PHF21B: variants seen among roughly 807,000 people sequenced by gnomAD.
PHF21B encodes PHD finger protein 4.
A neutral mutation model predicts 62.2 loss-of-function variants in PHF21B; 22 were observed. The ratio of observed to expected loss-of-function variants is 0.35; its 90% CI spans 0.25 to 0.51. The LOEUF (loss-of-function observed/expected upper bound fraction) is 0.51, where lower values mean the gene tolerates loss of function less well. PHF21B is among the 20% of genes least tolerant of loss of function. The probability of loss-of-function intolerance (pLI) is 0.97; values close to 1 mark genes in which losing one functional copy is unlikely to be tolerated. For synonymous variants in PHF21B, 341 were observed against 314.7 expected (o/e 1.08, Z -0.88); for missense variants, 701 against 707.9 (o/e 0.99, Z 0.11).
At chr22:44,972,481 C>T (rs997327059) in intron 2 of PHF21B, among the ~76,000 whole-genome samples, 15 of 152,010 alleles carry the variant, frequency 9.9e-5, no homozygotes, top group African/African-American at 2.4e-4. Flanking sequence ...TGTTGGCAGA[C>T]GCGGCTGCTC....
At chr22:44,988,057 G>A (rs183805343) in intron 2 of PHF21B, among the ~76,000 whole-genome samples, 4,461 of 152,264 alleles carry the variant, frequency 0.029, 88 homozygotes, top group Non-Finnish European at 0.045. Context: ...TTTGGTCAGC[G>A]TTTGTCAAAC....
At chr22:44,947,937 G>A (rs568737451) in intron 2 of PHF21B, among the ~76,000 whole-genome samples, 1 of 133,540 alleles carries the variant, frequency 7.5e-6, no homozygotes, top group South Asian at 2.4e-4. Flanking sequence ...GACAATGACC[G>A]CTGAGTTCAG....
chr22:44,983,738 G>A (rs1243883572), intron 2 of PHF21B, among the ~76,000 whole-genome samples: 3 of 152,124 alleles, frequency 2.0e-5, no homozygotes, highest in African/African-American at 7.2e-5. Flanking sequence ...TAACATCACA[G>A]ACTGTTTACA....
chr22:44,982,494 C>T (rs941393639), intron 2 of PHF21B, among the ~76,000 whole-genome samples: 2 of 152,158 alleles, frequency 1.3e-5, no homozygotes, highest in African/African-American at 4.8e-5. Context: ...GCCAAGTCTG[C>T]AGGACTCTAA....
chr22:44,987,928 G>T (rs1302890045), intron 2 of PHF21B, among the ~76,000 whole-genome samples: 1 of 152,048 alleles, frequency 6.6e-6, no homozygotes, highest in Non-Finnish European at 1.5e-5. Flanking sequence ...AAATAAGGTG[G>T]GCCACCCTGA....
intron 2 of PHF21B, among the ~76,000 whole-genome samples, chr22:44,972,359 T>C (rs1191778497): frequency 6.6e-6 from 1 of 152,254 alleles, no homozygotes; most frequent in Non-Finnish European, 1.5e-5. Flanking sequence ...CGGCCTGTTG[T>C]GCATTTTCAT....
intron 2 of PHF21B, among the ~76,000 whole-genome samples, chr22:44,943,764 C>A (rs2072009452): frequency 6.6e-6 from 1 of 152,140 alleles, no homozygotes; most frequent in Non-Finnish European, 1.5e-5. Flanking sequence ...TTAGTCTCTA[C>A]CAGTTTTGGT....
intron 5 of PHF21B, among the ~76,000 whole-genome samples, chr22:44,903,724 G>A (rs74929634): frequency 0.035 from 5,285 of 152,250 alleles, 283 homozygotes; most frequent in African/African-American, 0.12. Flanking sequence ...TATCCCAAAC[G>A]ATGTTGCTAT....
At chr22:44,959,323 C>T (rs982978808) in intron 2 of PHF21B, among the ~76,000 whole-genome samples, 2 of 152,204 alleles carry the variant, frequency 1.3e-5, no homozygotes, top group Admixed American at 6.5e-5. Context: ...TTGTGATTCA[C>T]GCCTTAACTA....
intron 2 of PHF21B, among the ~76,000 whole-genome samples, chr22:44,947,573 G>A (rs1232015803): frequency 2.6e-5 from 4 of 151,820 alleles, no homozygotes; most frequent in South Asian, 2.1e-4. Context: ...AGCACTCACC[G>A]CAGCCCCGCT....
At chr22:44,931,116 G>A (rs192895692) in intron 2 of PHF21B, among the ~76,000 whole-genome samples, 20 of 152,260 alleles carry the variant, frequency 1.3e-4, no homozygotes, top group African/African-American at 4.1e-4. Flanking sequence ...GTGCAGTGGC[G>A]CAACCGTAGC....
chr22:44,995,403 G>C (rs976230663), intron 2 of PHF21B, among the ~76,000 whole-genome samples: 1 of 152,174 alleles, frequency 6.6e-6, no homozygotes, highest in African/African-American at 2.4e-5. Flanking sequence ...GCTGGGGCTG[G>C]AGTGTGTGGG....
rs1397602930 is a variant in PHF21B at position 44,881,960 on chromosome 22, G to A, written c.*1126C>T. The A allele has an allele frequency of 2.0e-5, 3 of 152,550 alleles. No homozygotes were observed. Among genetic ancestry groups the A allele is most frequent in the South Asian group, 2.1e-4 (1 of 4,830 alleles). 9.4% of individuals were successfully genotyped at this position (152,550 alleles called of 1,614,324 possible). Reference sequence around the variant, plus strand: ...CCACCCGGCTCGTAAAAAACCTGCCGGATCTTCCAGCTTGGCCAGGCTTCC... The same window carrying A: ...CCACCCGGCTCGTAAAAAACCTGCCAGATCTTCCAGCTTGGCCAGGCTTCC... On this transcript the variant is annotated 3_prime_UTR_variant, in exon 13 of 13. Transcript: ENST00000313237.
At chr22:44,972,516 G>A (rs1033866332) in intron 2 of PHF21B, among the ~76,000 whole-genome samples, 3 of 152,078 alleles carry the variant, frequency 2.0e-5, no homozygotes, top group Admixed American at 6.6e-5. Flanking sequence ...GCCGGAAACC[G>A]AGTGTTGGCG....
chr22:44,965,091 G>A (rs908545352), intron 2 of PHF21B, among the ~76,000 whole-genome samples: 5 of 152,118 alleles, frequency 3.3e-5, no homozygotes, highest in Admixed American at 2.0e-4. Flanking sequence ...CGTGAACACC[G>A]CAGCCACTCT....
At chr22:44,889,903 C>T (rs1028137894) in intron 8 of PHF21B, 121 bp from the exon 9 acceptor site, 3 of 1,049,844 alleles carry the variant, frequency 2.9e-6, no homozygotes, top group African/African-American at 1.7e-5. Context: ...ATGGGAGCAT[C>T]ATAAGGCCCC....
At chr22:44,995,481 A>G (rs1430065844) in intron 2 of PHF21B, among the ~76,000 whole-genome samples, 3 of 152,158 alleles carry the variant, frequency 2.0e-5, no homozygotes, top group East Asian at 3.9e-4. Flanking sequence ...ATGAGAGATA[A>G]GCACCCTTGA....
intron 2 of PHF21B, among the ~76,000 whole-genome samples, chr22:44,947,745 C>G (rs528554201): frequency 6.6e-6 from 1 of 152,330 alleles, no homozygotes; most frequent in African/African-American, 2.4e-5. Context: ...TCTCCAAGCA[C>G]AGGGCTGATG....
chr22:44,889,079 C>G (rs1036518970), intron 9 of PHF21B, among the ~76,000 whole-genome samples: 1 of 152,216 alleles, frequency 6.6e-6, no homozygotes, highest in Non-Finnish European at 1.5e-5. Context: ...ACAGCCTAAC[C>G]GGAGCTGACT....
Sources: gnomAD v4.1 joint callset for allele counts (sites outside exome capture counted in the v4.1 genomes callset) on GRCh38, gnomAD v4.1.1 for gene constraint, MANE v1.5 for transcripts, NCBI Gene and HGNC (gene_info 2026-07-23, HGNC 2026-07-21) for gene names.